Variants in PREX2 observed in about 807,000 individuals in gnomAD.
The protein encoded by PREX2 is phosphatidylinositol-3,4,5-trisphosphate dependent Rac exchange factor 2.
In PREX2, 107 loss-of-function variants were observed where a neutral mutation model predicts 203.2. The observed-to-expected ratio is 0.53, with a 90% CI of 0.45 to 0.62. PREX2 has a LOEUF of 0.62. Among genes scored for constraint, PREX2 ranks in the 20% least tolerant of loss-of-function variants. PREX2 has a pLI of 0.00. For synonymous variants in PREX2, 672 were observed against 663.6 expected, an observed-to-expected ratio of 1.01 and a Z score of -0.19; for missense variants, 1,777 against 1,955.9, an observed-to-expected ratio of 0.91 and a Z score of 1.72.
intron 1 of PREX2, among the ~76,000 whole-genome samples, chr8:67,986,320 A>G (rs1337671033): frequency 6.7e-6 from 1 of 149,558 alleles, no homozygotes; most frequent in African/African-American, 2.5e-5. Context: ...CCCAGCTCGG[A>G]AGTAGCAGAG....
chr8:68,120,069 C>A lies in PREX2; in HGVS notation c.3505-127C>A, dbSNP rs187443004. 8.8e-6 allele frequency: 5 copies of A among 567,384 alleles called. No individual in the cohort carries two copies. In the East Asian group the frequency reaches 1.2e-4, roughly 13 times the overall value. 35.1% of individuals were successfully genotyped at this position (567,384 alleles called of 1,614,324 possible). ...CAATATTTTATGTAAAGATCGATTT[C>A]ACAAGCATCATGGGGTTTCAAAAAT... On this transcript the variant is annotated intron_variant, in intron 28 of 39. Transcript: ENST00000288368.
intron 1 of PREX2, among the ~76,000 whole-genome samples, chr8:67,971,996 T>A (rs552341224): frequency 2.0e-5 from 3 of 152,362 alleles, no homozygotes; most frequent in Admixed American, 2.0e-4. Flanking sequence ...AATTATTTTC[T>A]AAGTGCCAAT....
intron 14 of PREX2, among the ~76,000 whole-genome samples, chr8:68,072,807 C>T (rs1375806625): frequency 6.6e-6 from 1 of 152,158 alleles, no homozygotes; most frequent in African/African-American, 2.4e-5. Context: ...TTTAAAATAT[C>T]AGATGATCCA....
Position 68,127,370 on chromosome 8 carries a change from CT to C in PREX2, c.3725-7del. Reference sequence around the variant, plus strand: ...AACAATTAACTGATGTGTTTTCTTTCTCTGCAGAGGTAAAGTGTAGGCTACT... The same window carrying C: ...AACAATTAACTGATGTGTTTTCTTTCCTGCAGAGGTAAAGTGTAGGCTACT... On this transcript the variant is annotated splice_polypyrimidine_tract_variant and splice_region_variant and intron_variant, in intron 30 of 39. Transcript: ENST00000288368. 1 of 1,597,350 alleles carries C rather than the reference CT, an allele frequency of 6.3e-7. No homozygotes were observed. The highest frequency in any genetic ancestry group is 8.6e-7 in the Non-Finnish European group (1 of 1,167,720).
At chr8:67,958,618 T>C (rs1805552028) in intron 1 of PREX2, among the ~76,000 whole-genome samples, 1 of 152,156 alleles carries the variant, frequency 6.6e-6, no homozygotes, top group South Asian at 2.1e-4. Context: ...GTGGAAAGTC[T>C]GATCTGGGGT....
At chr8:68,057,904 A>G (rs1303493312) in intron 10 of PREX2, among the ~76,000 whole-genome samples, 1 of 152,206 alleles carries the variant, frequency 6.6e-6, no homozygotes, top group Non-Finnish European at 1.5e-5. Context: ...ATTGAAGAAG[A>G]ATAGGTTTTG....
intron 38 of PREX2, chr8:68,220,259 G>T (rs955805929): frequency 6.6e-6 from 1 of 151,996 alleles, no homozygotes; most frequent in South Asian, 2.1e-4. Flanking sequence ...GAAGAGAAGG[G>T]TACTATGTTT....
intron 28 of PREX2, 51 bp downstream of exon 28, chr8:68,119,565 G>A (rs1342118573): frequency 1.5e-6 from 2 of 1,357,384 alleles, no homozygotes; most frequent in African/African-American, 1.4e-5. Flanking sequence ...ACTGTGAGGA[G>A]TCCCTTTTTC....
chr8:68,209,109 A>G (rs1812699436), intron 37 of PREX2, among the ~76,000 whole-genome samples: 1 of 151,448 alleles, frequency 6.6e-6, no homozygotes, highest in Admixed American at 6.6e-5. Context: ...AAAGAAAAAA[A>G]GGAAGCTTCT....
At chr8:68,103,223 G>T (rs1810314088) in intron 23 of PREX2, among the ~76,000 whole-genome samples, 1 of 152,072 alleles carries the variant, frequency 6.6e-6, no homozygotes, top group African/African-American at 2.4e-5. Context: ...TGGGAAAATT[G>T]CAGGAAAAAA....
At chr8:68,098,504 G>T (rs1299677081) in intron 22 of PREX2, among the ~76,000 whole-genome samples, 3 of 151,972 alleles carry the variant, frequency 2.0e-5, no homozygotes, top group Non-Finnish European at 4.4e-5. Context: ...TTTTTAAAAT[G>T]CAGTCTCTTC....
intron 37 of PREX2, among the ~76,000 whole-genome samples, chr8:68,197,106 AG>A (rs1417015173): frequency 6.6e-6 from 1 of 152,074 alleles, no homozygotes; most frequent in Non-Finnish European, 1.5e-5. Flanking sequence ...GAAGAGCAAA[AG>A]GGAGGGAAGA....
chr8:68,052,473 T>C (rs1054982524), intron 8 of PREX2, among the ~76,000 whole-genome samples: 14 of 152,142 alleles, frequency 9.2e-5, no homozygotes, highest in Non-Finnish European at 1.9e-4. Context: ...TCTTCAAAAA[T>C]TTTTTTATAA....
At chr8:68,103,429 C>T in intron 23 of PREX2, 2 of 467,014 alleles carry the variant, frequency 4.3e-6, no homozygotes, top group Admixed American at 2.2e-5. Context: ...GAATTAGCTA[C>T]CAATGCATTA....
chr8:67,975,187 C>T (rs558333483), intron 1 of PREX2, among the ~76,000 whole-genome samples: 249 of 151,024 alleles, frequency 1.6e-3, no homozygotes, highest in African/African-American at 5.6e-3. Context: ...AACCAAAGTT[C>T]ATGGTCTCCT....
intron 1 of PREX2, among the ~76,000 whole-genome samples, chr8:68,015,735 G>A (rs537139558): frequency 1.3e-5 from 2 of 152,224 alleles, no homozygotes; most frequent in Non-Finnish European, 2.9e-5. Context: ...GAACATTTTT[G>A]CGATGAGTAT....
intron 4 of PREX2, among the ~76,000 whole-genome samples, chr8:68,025,025 C>A (rs1215376164): frequency 6.6e-6 from 1 of 151,846 alleles, no homozygotes; most frequent in Non-Finnish European, 1.5e-5. Context: ...CACAGTGTTA[C>A]AATTATTGCT....
chr8:68,041,811 T>A (rs1312998303), intron 7 of PREX2, among the ~76,000 whole-genome samples: 1 of 152,086 alleles, frequency 6.6e-6, no homozygotes, highest in Non-Finnish European at 1.5e-5. Context: ...ATTGATCCCA[T>A]CTTTATCTAT....
intron 25 of PREX2, among the ~76,000 whole-genome samples, chr8:68,114,785 C>T (rs1324809123): frequency 1.3e-5 from 2 of 152,062 alleles, no homozygotes; most frequent in African/African-American, 4.8e-5. Flanking sequence ...TCCCCAAGGC[C>T]AAGACTCCTG....
Sources: allele counts gnomAD v4.1 joint callset (sites outside exome capture counted in the v4.1 genomes callset), GRCh38; gene constraint gnomAD v4.1.1; transcripts MANE v1.5; gene names NCBI Gene and HGNC (gene_info 2026-07-23, HGNC 2026-07-21).